P2RX6: variants seen among roughly 807,000 people sequenced by gnomAD.
The protein encoded by P2RX6 is P2X purinoceptor 6.
A neutral mutation model predicts 54.2 loss-of-function variants in P2RX6; 62 were observed. The observed-to-expected ratio is 1.14, with a 90% CI of 0.93 to 1.41. P2RX6 has a LOEUF of 1.41. Ranked by LOEUF, P2RX6 falls within the 40% of genes most tolerant of loss-of-function variation. The pLI, the probability that P2RX6 is intolerant of heterozygous loss-of-function variation, is 0.00. For missense variants in P2RX6, 541 were observed against 566.3 expected (o/e 0.96, Z 0.45); for synonymous variants, 211 against 231.9 (o/e 0.91, Z 0.82).
chr22:21,023,677 G>A (rs763388401), intron 8 of P2RX6, 59 bp downstream of exon 8: 215 of 1,268,994 alleles, frequency 1.7e-4, no homozygotes, highest in Non-Finnish European at 2.3e-4. Context: ...TCACTGTGGC[G>A]GCCAGGACAG....
rs535695809 is a variant in P2RX6 at position 21,020,521 on chromosome 22, G to T, written c.388-2155G>T. 9.9e-5 allele frequency among the ~76,000 whole-genome samples: 15 copies of T among 151,920 alleles called. No individual in the cohort carries two copies. In the South Asian group the frequency reaches 3.1e-3, roughly 32 times the overall value. On this transcript the variant is annotated intron_variant, in intron 3 of 11. Coordinates refer to ENST00000413302, the MANE Select transcript of P2RX6 (RefSeq NM_005446.5). ...ATGGACAGCCCAGCCCAGGTGGCAG[G>T]TCCTATGATGGGACAGAGGCTGTAG...
chr22:21,026,608 G>C lies in P2RX6; in HGVS notation c.1317G>C (p.Gly439=), dbSNP rs765362392. The C allele has an allele frequency of 6.3e-7, 1 of 1,583,804 alleles. No homozygotes were observed. The highest frequency in any genetic ancestry group is 2.3e-5 in the East Asian group (1 of 43,058). Residue 439 remains glycine, a synonymous_variant, in exon 12 of 12, where the codon GGG becomes GGC. Coordinates refer to ENST00000413302, the MANE Select transcript of P2RX6 (RefSeq NM_005446.5). The surrounding 1 kb of genome is among the most constrained non-coding windows in gnomAD (Gnocchi z 4.0). ...ACACCCACTTGCCAACCCATTCCGG[G>C]AGCCTGTAGCCGTTCCCTGCTGGTT... The part of the protein sequence containing the change: ...SSDTHLPTHS[G]SL
intron 1 of P2RX6, 145 bp downstream of exon 1, chr22:21,015,483 C>T: frequency 1.1e-6 from 1 of 919,442 alleles, no homozygotes; most frequent in Non-Finnish European, 1.6e-6. Flanking sequence ...TTGGGGAGAG[C>T]TAGGCGATAC....
chr22:21,011,373 G>A (rs541183566), upstream of P2RX6: 49 of 625,554 alleles, frequency 7.8e-5, no homozygotes, highest in East Asian at 1.2e-3. Context: ...GGTGCCCTGC[G>A]CAGGCATTAC....
chr22:21,014,800 G>A (rs944589456), upstream of P2RX6, among the ~76,000 whole-genome samples: 2 of 152,110 alleles, frequency 1.3e-5, no homozygotes, highest in Non-Finnish European at 2.9e-5. Flanking sequence ...GGTCAGCTTA[G>A]AGGTCACTTC....
chr22:21,024,102 C>T (rs988556250), intron 8 of P2RX6, among the ~76,000 whole-genome samples: 16 of 148,142 alleles, frequency 1.1e-4, no homozygotes, highest in African/African-American at 4.0e-4. Flanking sequence ...ATTACAGGTG[C>T]TCGCCACTAC....
Position 21,015,233 on chromosome 22 carries a change from G to A in P2RX6, c.59G>A (p.Trp20Ter), listed in dbSNP as rs759616550. The A allele has an allele frequency of 1.1e-5, 17 of 1,537,782 alleles. 1 individual carries two copies. In the South Asian group the frequency reaches 2.2e-4, roughly 20 times the overall value. The change falls in exon 1 of 12, where the codon TGG becomes TAG. Residue 20 changes from tryptophan (W) to a stop codon, truncating the protein, a stop_gained. Transcript: ENST00000413302. LOFTEE classifies it high-confidence loss of function. ...GGCTCCCCAGGGGCTACGACAGGCT[G>A]GGGGCTTCTGGATTATAAGACGGAG... The part of the protein sequence containing the change: ...SMGSPGATTG[W>*]GLLDYKTEKY...
intron 2 of P2RX6, 63 bp downstream of exon 2, chr22:21,016,155 C>G (rs541271525): frequency 1.4e-6 from 2 of 1,473,680 alleles, no homozygotes; most frequent in East Asian, 2.5e-5. Flanking sequence ...CCTGAACACC[C>G]GCCATGCAGC....
At position 21,026,035 on chromosome 22, in the gene P2RX6, A is replaced by G; in HGVS notation, c.1009A>G (p.Thr337Ala). Residue 337 changes from threonine to alanine, a missense_variant, in exon 10 of 12, where the codon ACG (threonine) becomes GCG (alanine). Around this residue, in one of 2 missense-constraint regions of P2RX6, gnomAD observed 526 missense variants for 531.5 expected, o/e 0.99. Coordinates refer to ENST00000413302, the MANE Select transcript of P2RX6 (RefSeq NM_005446.5). This position sits in a 1 kb window ranked among gnomAD's most constrained non-coding sequence, Gnocchi z 4.0. ...GGCAGGGAAGTTCGGGCTCATCCCC[A>G]CGGCCGTCACACTGGGCACCGGGGC... Reference protein sequence around the residue: ...GQAGKFGLIPTAVTLGTGAAW... With the variant: ...GQAGKFGLIPAAVTLGTGAAW... The G allele has an allele frequency of 1.2e-6, 2 of 1,611,992 alleles. No individual in the cohort carries two copies. The highest frequency in any genetic ancestry group is 1.7e-6 in the Non-Finnish European group (2 of 1,179,274).
upstream of P2RX6, among the ~76,000 whole-genome samples, chr22:21,010,517 A>T (rs1925678729): frequency 6.6e-6 from 1 of 152,148 alleles, no homozygotes; most frequent in Non-Finnish European, 1.5e-5. Flanking sequence ...GAAATGCTGC[A>T]GAAAAGAGCT....
At position 21,023,013 on chromosome 22, in the gene P2RX6, G is replaced by A. The variant is rs200659965; in HGVS notation, c.535G>A (p.Val179Met). 1.3e-4 allele frequency: 208 copies of A among 1,613,468 alleles called. No individual in the cohort carries two copies. The highest frequency in any genetic ancestry group is 2.9e-4 in the East Asian group (13 of 44,840). The change falls in exon 5 of 12, where the codon GTG (valine) becomes ATG (methionine). Residue 179 changes from valine to methionine, a missense_variant. Val to Met is a conservative substitution (Grantham distance 21, BLOSUM62 1). Transcript: ENST00000413302. Reference sequence around the variant, plus strand: ...CTGTGAGATCTGGAGTTGGTGCCCCGTGGAGAGTGGCGTTGTGCCCTCGTA... The same window carrying A: ...CTGTGAGATCTGGAGTTGGTGCCCCATGGAGAGTGGCGTTGTGCCCTCGTA... ...RTCEIWSWCP[V>M]ESGVVPSRPL...
chr22:21,024,213 C>A (rs577085905), intron 8 of P2RX6, among the ~76,000 whole-genome samples: 1 of 152,024 alleles, frequency 6.6e-6, no homozygotes, highest in Non-Finnish European at 1.5e-5. Flanking sequence ...CCCACCTCAG[C>A]CTCCCGAAGG....
chr22:21,017,692 G>A (rs1926628644), intron 2 of P2RX6, among the ~76,000 whole-genome samples: 1 of 152,158 alleles, frequency 6.6e-6, no homozygotes, highest in Non-Finnish European at 1.5e-5. Flanking sequence ...TCCAGCCTGG[G>A]TGACGAAGTG....
At chr22:21,011,572 T>C, upstream of P2RX6, 2 of 715,472 alleles carry the variant, frequency 2.8e-6, no homozygotes, top group Non-Finnish European at 5.2e-6. Context: ...TCCCAGCTGG[T>C]TCTCCAACAG....
In P2RX6 at chr22:21,023,189, A is replaced by T; in HGVS notation, c.629A>T (p.Asn210Ile). 1 of 1,613,898 alleles carries T rather than the reference A, an allele frequency of 6.2e-7. No homozygotes were observed. Among genetic ancestry groups the T allele is most frequent in the Non-Finnish European group, 8.5e-7 (1 of 1,179,862 alleles). Residue 210 changes from asparagine to isoleucine, a missense_variant, in exon 6 of 12, where the codon AAC (asparagine) becomes ATC (isoleucine). Transcript: ENST00000413302. ...AACACAGTCACCTTCAGCAAGTTCA[A>T]CTTCTCTAAGTAAGCAGAGTGGGTC... ...IKNTVTFSKF[N>I]FSKSNALETW...
At chr22:21,023,469 G>C in intron 7 of P2RX6, 40 bp from the exon 8 acceptor site, 2 of 1,613,480 alleles carry the variant, frequency 1.2e-6, no homozygotes, top group Admixed American at 1.7e-5. Flanking sequence ...AGAGGGTCCC[G>C]GGCCCACCCA....
rs764018580 is a variant in P2RX6 at position 21,025,923 on chromosome 22, G to A, written c.984+25G>A. 6 of 1,580,116 alleles carry A rather than the reference G, an allele frequency of 3.8e-6. No individual in the cohort carries two copies. The African/African-American group carries it at 4.0e-5, about 11-fold the overall frequency. ...GGTAGGCACAGGTAGGGGTCAGGCC[G>A]GGGATGGGATGGGGCAGGCAGACAG... On this transcript the variant is annotated intron_variant, in intron 9 of 11. Coordinates refer to ENST00000413302, the MANE Select transcript of P2RX6 (RefSeq NM_005446.5).
At position 21,023,347 on chromosome 22, in the gene P2RX6, C is replaced by T. The variant is rs150986631; in HGVS notation, c.711C>T (p.Tyr237=). The stretch of plus-strand genomic sequence containing the variant: ...GCTATGAACCACAATTCAGCCCCTA[C>T]TGTCCCGTGTTCCGCATTGGGGACC... ...HCRYEPQFSP[Y]CPVFRIGDLV... The change falls in exon 7 of 12, where the codon TAC becomes TAT. Residue 237 remains tyrosine (Y), a synonymous_variant. Coordinates refer to ENST00000413302, the MANE Select transcript of P2RX6 (RefSeq NM_005446.5). The T allele has an allele frequency of 8.0e-5, 129 of 1,614,010 alleles. No homozygotes were observed. In the African/African-American group the frequency reaches 1.3e-3, roughly 17 times the overall value.
Position 21,026,913 on chromosome 22 carries a change from G to T in P2RX6, c.*296G>T. On this transcript the variant is annotated 3_prime_UTR_variant, in exon 12 of 12. Transcript: ENST00000413302. The surrounding 1 kb of genome is among the most constrained non-coding windows in gnomAD (Gnocchi z 4.0). ...AGGGGCTCCTGCTGCGTCTGGGCCT[G>T]GAGGTCTCTCTCCCAGTGCTCTGTC... is the stretch of plus-strand genomic sequence containing the variant. 2.0e-6 allele frequency: 1 copy of T among 490,324 alleles called. No homozygotes were observed. Among genetic ancestry groups the T allele is most frequent in the East Asian group, 3.7e-5 (1 of 27,114 alleles). The allele number at this position is 490,324 out of a possible 1,614,324, so 30.4% of individuals were successfully genotyped here.
Sources: gnomAD v4.1 joint callset for allele counts (sites outside exome capture counted in the v4.1 genomes callset) on GRCh38, gnomAD v4.1.1 for gene constraint, gnomAD v4.1.1 regional missense constraint, Gnocchi (gnomAD v3.1) non-coding constraint, MANE v1.5 for transcripts, NCBI Gene and HGNC (gene_info 2026-07-23, HGNC 2026-07-21) for gene names.